Variants in RPS6KA2 observed in about 807,000 individuals in gnomAD.
RPS6KA2 encodes the protein ribosomal protein S6 kinase alpha-2.
RPS6KA2 carries 42 observed loss-of-function variants against 91.8 expected under a neutral mutation model. The ratio of observed to expected loss-of-function variants is 0.46; its 90% CI spans 0.36 to 0.59. The LOEUF is 0.59. Ranked by LOEUF, RPS6KA2 falls within the 20% of genes least tolerant of loss-of-function variation. The pLI is 0.00. For synonymous variants in RPS6KA2, 414 were observed against 393.6 expected (o/e 1.05, Z -0.61); for missense variants, 798 against 978.5 (o/e 0.82, Z 2.46).
At chr6:166,431,766 G>A (rs542630045) in intron 15 of RPS6KA2, among the ~76,000 whole-genome samples, 15 of 152,052 alleles carry the variant, frequency 9.9e-5, no homozygotes, top group South Asian at 4.2e-4. Flanking sequence ...ACAGGTGTGC[G>A]CCACCACACC....
rs957286113 is a variant in RPS6KA2, at chr6:166,493,654, G to A, written c.748-2913C>T. Among the ~76,000 whole-genome samples, 1 of 151,966 alleles carries A rather than the reference G, an allele frequency of 6.6e-6. No homozygotes were observed. Among genetic ancestry groups the A allele is most frequent in the African/African-American group, 2.4e-5 (1 of 41,354 alleles). The stretch of plus-strand genomic sequence containing the variant: ...AAGGAGATGTAGCCAAAGCTCCACC[G>A]GGTGCAGGCCCGATGCTTCTGGGAA... On this transcript the variant is annotated intron_variant, in intron 8 of 20. Coordinates refer to ENST00000265678, the MANE Select transcript of RPS6KA2 (RefSeq NM_021135.6). This position sits in a 1 kb window ranked among gnomAD's most constrained non-coding sequence, Gnocchi z 4.7.
At chr6:166,476,382 C>A (rs1013424116) in intron 10 of RPS6KA2, among the ~76,000 whole-genome samples, 6 of 152,214 alleles carry the variant, frequency 3.9e-5, no homozygotes, top group African/African-American at 1.4e-4. Flanking sequence ...CCAAGAAACT[C>A]ACACAGAGGG....
rs775313981 is a variant in RPS6KA2 at position 166,732,245 on chromosome 6, A to G, written c.123+125955T>C. Among the ~76,000 whole-genome samples, 1 of 152,238 alleles carries G rather than the reference A, an allele frequency of 6.6e-6. No individual in the cohort carries two copies. Among genetic ancestry groups the G allele is most frequent in the Admixed American group, 6.5e-5 (1 of 15,284 alleles). On this transcript the variant is annotated intron_variant, in intron 2 of 21. Transcript: ENST00000503859. This position sits in a 1 kb window ranked among gnomAD's most constrained non-coding sequence, Gnocchi z 4.0. ...TGTTAAAGTCTTCCCGCACTTCTGT[A>G]TAGCTTCATGATTCCCCCAAAATAG...
chr6:166,526,221 G>C (rs1359295466), intron 3 of RPS6KA2, among the ~76,000 whole-genome samples: 1 of 152,026 alleles, frequency 6.6e-6, no homozygotes, highest in Non-Finnish European at 1.5e-5. Flanking sequence ...CTACTTTTTA[G>C]TGATGGATCA....
At chr6:166,720,341 A>G (rs1790138392) in intron 2 of RPS6KA2, among the ~76,000 whole-genome samples, 4 of 152,234 alleles carry the variant, frequency 2.6e-5, no homozygotes. Context: ...AGCTCACTAC[A>G]AAGAACAGGT....
chr6:166,526,562 T>C (rs1783049298), intron 3 of RPS6KA2, among the ~76,000 whole-genome samples: 2 of 152,112 alleles, frequency 1.3e-5, no homozygotes, highest in South Asian at 4.2e-4. Context: ...ACATGTTGCC[T>C]AAGTCTCGAA....
chr6:166,706,584 T>G lies in RPS6KA2; in HGVS notation c.123+151616A>C, dbSNP rs546912845. Among the ~76,000 whole-genome samples, 3 of 152,296 alleles carry G rather than the reference T, an allele frequency of 2.0e-5. 1 individual carries two copies. The South Asian group carries it at 6.2e-4, about 32-fold the overall frequency. On this transcript the variant is annotated intron_variant, in intron 2 of 21. Transcript: ENST00000503859. The stretch of plus-strand genomic sequence containing the variant: ...CAGTCATGAAGATGAAGAACGAGTA[T>G]CATCTGTGCTCTTTCCATCCCATGC...
At chr6:166,659,065 AC>A (rs142870948) in intron 2 of RPS6KA2, among the ~76,000 whole-genome samples, 18,008 of 150,692 alleles carry the variant, frequency 0.12, 1,182 homozygotes, top group Middle Eastern at 0.16. Context: ...TCCCCACAAC[AC>A]CCCCCCTTTT....
At chr6:166,693,934 C>T (rs1257389027) in intron 2 of RPS6KA2, among the ~76,000 whole-genome samples, 1 of 152,230 alleles carries the variant, frequency 6.6e-6, no homozygotes. Flanking sequence ...ATCCCTCTGT[C>T]CCCTACCTCA....
intron 2 of RPS6KA2, among the ~76,000 whole-genome samples, chr6:166,788,081 C>T (rs1488876610): frequency 6.6e-6 from 1 of 151,662 alleles, no homozygotes; most frequent in African/African-American, 2.4e-5. Context: ...TGAAAAAAAG[C>T]TCATCATCAC....
At chr6:166,782,915 G>A (rs6456127) in intron 2 of RPS6KA2, among the ~76,000 whole-genome samples, 32,364 of 151,778 alleles carry the variant, frequency 0.21, 4,264 homozygotes, top group African/African-American at 0.37. Flanking sequence ...GCCACCCCAG[G>A]CTTGTCTAAT....
chr6:166,550,332 T>C (rs149209139), intron 1 of RPS6KA2, among the ~76,000 whole-genome samples: 1 of 152,154 alleles, frequency 6.6e-6, no homozygotes, highest in African/African-American at 2.4e-5. Flanking sequence ...AACTGTGAGT[T>C]TTCAAAAGCA....
upstream of RPS6KA2, among the ~76,000 whole-genome samples, chr6:166,629,841 G>A (rs752164737): frequency 2.6e-5 from 4 of 152,178 alleles, no homozygotes. Context: ...TAGCTGATGT[G>A]TGGTCAATGC....
At chr6:166,696,810 TG>T (rs1447330740) in intron 2 of RPS6KA2, among the ~76,000 whole-genome samples, 1 of 152,230 alleles carries the variant, frequency 6.6e-6, no homozygotes, top group Non-Finnish European at 1.5e-5. Context: ...CACCTTGAGC[TG>T]GGGCAGCAAT....
At chr6:166,754,236 C>G (rs1777930619) in intron 2 of RPS6KA2, among the ~76,000 whole-genome samples, 2 of 152,158 alleles carry the variant, frequency 1.3e-5, no homozygotes, top group South Asian at 4.1e-4. Context: ...AAAACTTAGG[C>G]TCTATTATTA....
chr6:166,540,330 G>A (rs1783614528), intron 1 of RPS6KA2, among the ~76,000 whole-genome samples: 1 of 152,248 alleles, frequency 6.6e-6, no homozygotes, highest in African/African-American at 2.4e-5. Flanking sequence ...CTGAGCCGTG[G>A]AAACTCACAG....
Position 166,459,963 on chromosome 6 carries a change from C to G in RPS6KA2, c.973-412G>C, listed in dbSNP as rs1404788325. ...ACAGCAGTGAAGAGGCCGTGTGGCT[C>G]TCTCCTCCCTGCCCTGGGACTTTGG... On this transcript the variant is annotated intron_variant, in intron 11 of 20. Coordinates refer to ENST00000265678, the MANE Select transcript of RPS6KA2 (RefSeq NM_021135.6). The surrounding 1 kb of genome is among the most constrained non-coding windows in gnomAD (Gnocchi z 4.9). Among the ~76,000 whole-genome samples, 3 of 152,184 alleles carry G rather than the reference C, an allele frequency of 2.0e-5. No homozygotes were observed. Among genetic ancestry groups the G allele is most frequent in the African/African-American group, 7.2e-5 (3 of 41,450 alleles).
intron 2 of RPS6KA2, among the ~76,000 whole-genome samples, chr6:166,660,655 T>A (rs567108985): frequency 1.3e-5 from 2 of 152,320 alleles, no homozygotes; most frequent in East Asian, 3.9e-4. Flanking sequence ...CAAAGAATCA[T>A]TTGGGTTACA....
Position 166,563,395 on chromosome 6 carries a change from G to A in RPS6KA2, c.100-24611C>T, listed in dbSNP as rs552849412. On this transcript the variant is annotated intron_variant, in intron 1 of 20. Coordinates refer to ENST00000265678, the MANE Select transcript of RPS6KA2 (RefSeq NM_021135.6). This position sits in a 1 kb window ranked among gnomAD's most constrained non-coding sequence, Gnocchi z 4.1. Reference sequence around the variant, plus strand: ...TTCCTCCCAGTCTCCTGGGCTCGCCGCCAGCGGTGGGATCCCTCTTCCTGC... The same window carrying A: ...TTCCTCCCAGTCTCCTGGGCTCGCCACCAGCGGTGGGATCCCTCTTCCTGC... Among the ~76,000 whole-genome samples the A allele has an allele frequency of 1.2e-4, 19 of 152,278 alleles. No individual in the cohort carries two copies. The highest frequency in any genetic ancestry group is 4.3e-4 in the African/African-American group (18 of 41,560).
Sources: allele counts gnomAD v4.1 joint callset (sites outside exome capture counted in the v4.1 genomes callset), GRCh38; gene constraint gnomAD v4.1.1; non-coding constraint Gnocchi (gnomAD v3.1); transcripts MANE v1.5; gene names NCBI Gene and HGNC (gene_info 2026-07-23, HGNC 2026-07-21).